CERS3: variants seen among roughly 807,000 people sequenced by gnomAD.
CERS3 encodes the protein ceramide synthase 3, also known as LAG1 homolog, ceramide synthase 3.
In CERS3, 33 loss-of-function variants were observed where a neutral mutation model predicts 50.3. The observed-to-expected ratio is 0.66, with a 90% CI of 0.50 to 0.88. The LOEUF (loss-of-function observed/expected upper bound fraction) is 0.88. Among genes scored for constraint, CERS3 ranks in the 40% least tolerant of loss-of-function variants. CERS3 has a pLI of 0.00. For missense variants in CERS3, 470 were observed against 460.3 expected (o/e 1.02, Z -0.19); for synonymous variants, 176 against 155.2 (o/e 1.13, Z -0.99).
chr15:100,474,830 ATGT>A (rs1273068055), intron 8 of CERS3, among the ~76,000 whole-genome samples: 4 of 152,206 alleles, frequency 2.6e-5, no homozygotes, highest in African/African-American at 9.6e-5. Flanking sequence ...CTAGCTCAAG[ATGT>A]TAGTGCGTGG....
At chr15:100,542,949 T>C (rs1453800478) in intron 1 of CERS3, among the ~76,000 whole-genome samples, 1 of 152,206 alleles carries the variant, frequency 6.6e-6, no homozygotes, top group Non-Finnish European at 1.5e-5. Context: ...AGTCTTGCTC[T>C]GTCACCCAGG....
intron 2 of CERS3, among the ~76,000 whole-genome samples, chr15:100,517,091 A>G (rs1390216360): frequency 6.6e-6 from 1 of 152,266 alleles, no homozygotes; most frequent in Non-Finnish European, 1.5e-5. Context: ...CAGGAAGCCC[A>G]GTTTGAAGGT....
At chr15:100,541,567 T>C (rs900592978) in intron 1 of CERS3, among the ~76,000 whole-genome samples, 8 of 152,328 alleles carry the variant, frequency 5.3e-5, no homozygotes, top group African/African-American at 1.9e-4. Flanking sequence ...TTAACCTCTG[T>C]TGTACTGGAC....
chr15:100,513,945 C>T (rs1209653999), intron 2 of CERS3, among the ~76,000 whole-genome samples: 4 of 152,164 alleles, frequency 2.6e-5, no homozygotes, highest in South Asian at 2.1e-4. Flanking sequence ...TTCCAGAGCC[C>T]CAGATCCCCC....
At chr15:100,523,237 A>T (rs765870651) in intron 1 of CERS3, among the ~76,000 whole-genome samples, 8 of 152,156 alleles carry the variant, frequency 5.3e-5, no homozygotes, top group Non-Finnish European at 1.2e-4. Context: ...TACATGCATA[A>T]CAAGTCATGT....
At position 100,480,181 on chromosome 15, in the gene CERS3, T is replaced by C. The variant is rs982128106; in HGVS notation, c.408-135A>G. The C allele has an allele frequency of 5.9e-6, 4 of 673,678 alleles. No homozygotes were observed. In the Admixed American group the frequency reaches 1.1e-4, roughly 19 times the overall value. The allele number at this position is 673,678 out of a possible 1,614,324, so 41.7% of individuals were successfully genotyped here. ...CAAATCAAAGTTTCTATCCTGGCTC[T>C]GCCCCACTTATTAGATGGTTACAAC... On this transcript the variant is annotated intron_variant, in intron 5 of 11. Transcript: ENST00000679737.
chr15:100,473,116 G>A, intron 8 of CERS3, 64 bp from the exon 9 acceptor site: 3 of 1,499,618 alleles, frequency 2.0e-6, no homozygotes, highest in Non-Finnish European at 2.7e-6. Flanking sequence ...CACTGGAAGA[G>A]ATAATCATAA....
At chr15:100,407,803 G>C (rs915704098) in intron 11 of CERS3, among the ~76,000 whole-genome samples, 6 of 152,164 alleles carry the variant, frequency 3.9e-5, no homozygotes, top group Non-Finnish European at 7.4e-5. Flanking sequence ...ATAATTTAAA[G>C]TATATAGGAG....
chr15:100,402,877 A>G lies in CERS3; in HGVS notation c.1000-12T>C, dbSNP rs754737617. On this transcript the variant is annotated splice_polypyrimidine_tract_variant and intron_variant, in intron 11 of 11. Coordinates refer to ENST00000679737, the MANE Select transcript of CERS3 (RefSeq NM_001378789.1). ...ACATCCTGGATGCTCTAGACAAAGG[A>G]AAGAATTGGCTGTGAGTGACAATCT... 2 of 1,574,530 alleles carry G rather than the reference A, an allele frequency of 1.3e-6. No individual in the cohort carries two copies. Among genetic ancestry groups the G allele is most frequent in the African/African-American group, 1.3e-5 (1 of 74,174 alleles).
intron 2 of CERS3, among the ~76,000 whole-genome samples, chr15:100,513,849 T>C (rs2036421273): frequency 6.6e-6 from 1 of 152,222 alleles, no homozygotes; most frequent in African/African-American, 2.4e-5. Context: ...GGCATGTGCA[T>C]AGGCCATTCC....
intron 11 of CERS3, among the ~76,000 whole-genome samples, chr15:100,431,129 C>T (rs1351218254): frequency 1.3e-5 from 2 of 152,188 alleles, no homozygotes; most frequent in Non-Finnish European, 2.9e-5. Flanking sequence ...ACCACAAACC[C>T]TCTCTGGATT....
In CERS3 at chr15:100,456,093, T is replaced by A. The variant is rs767342679; in HGVS notation, c.846-47A>T. On this transcript the variant is annotated intron_variant, in intron 10 of 11. Coordinates refer to ENST00000679737, the MANE Select transcript of CERS3 (RefSeq NM_001378789.1). ...AGAATTTCATTACAACCAAAGCACC[T>A]ATGAATTTTCAATAATAAAACAAAT... 6.9e-6 allele frequency: 10 copies of A among 1,452,412 alleles called. No individual in the cohort carries two copies. In the South Asian group the frequency reaches 1.1e-4, roughly 16 times the overall value. 90.0% of individuals were successfully genotyped at this position (1,452,412 alleles called of 1,614,324 possible). A position where few individuals can be genotyped will look rare whatever the true frequency, so the allele number is the denominator to read the frequency against.
intron 8 of CERS3, among the ~76,000 whole-genome samples, chr15:100,474,467 C>A (rs563216110): frequency 2.6e-5 from 4 of 151,616 alleles, no homozygotes; most frequent in African/African-American, 9.7e-5. Context: ...TGCAGTGGTG[C>A]GATCTTGGCT....
intron 10 of CERS3, 49 bp downstream of exon 10, chr15:100,469,329 C>CCA (rs2034886135): frequency 7.0e-6 from 10 of 1,435,332 alleles, no homozygotes; most frequent in Non-Finnish European, 7.9e-6. Flanking sequence ...TGCACTGAGG[C>CCA]CACCTCTGCA....
chr15:100,428,165 C>T (rs2032933643), intron 11 of CERS3, among the ~76,000 whole-genome samples: 1 of 152,174 alleles, frequency 6.6e-6, no homozygotes, highest in Non-Finnish European at 1.5e-5. Flanking sequence ...AATGCAGTTG[C>T]CTTATCTCAA....
rs57003894 is a variant in CERS3, at chr15:100,518,310, A to G, written c.-2+3357T>C. On this transcript the variant is annotated intron_variant, in intron 2 of 11. Coordinates refer to ENST00000679737, the MANE Select transcript of CERS3 (RefSeq NM_001378789.1). ...CAGAGAGAGACACACACAGAGAGTGAGAGAGAGAGACAGGGACACAGAGAG... is the reference window on the plus strand; with the variant it reads ...CAGAGAGAGACACACACAGAGAGTGGGAGAGAGAGACAGGGACACAGAGAG... Among the ~76,000 whole-genome samples the G allele has an allele frequency of 8.5e-3, 1,295 of 152,172 alleles. 23 individuals carry two copies. The highest frequency in any genetic ancestry group is 0.029 in the African/African-American group (1,218 of 41,522).
chr15:100,445,682 G>C (rs553134747), intron 11 of CERS3, among the ~76,000 whole-genome samples: 1 of 152,042 alleles, frequency 6.6e-6, no homozygotes, highest in African/African-American at 2.4e-5. Context: ...AATCCCACTC[G>C]AAGCAGCCCT....
At chr15:100,435,086 A>G (rs984733568) in intron 11 of CERS3, among the ~76,000 whole-genome samples, 1 of 152,236 alleles carries the variant, frequency 6.6e-6, no homozygotes, top group African/African-American at 2.4e-5. Context: ...CCGTGCTCTC[A>G]GGAAGCAGCT....
chr15:100,403,609 G>A (rs1459071520), intron 11 of CERS3, among the ~76,000 whole-genome samples: 1 of 152,152 alleles, frequency 6.6e-6, no homozygotes, highest in Admixed American at 6.5e-5. Context: ...AGAATGCTAT[G>A]AACAACTCTA....
Sources: allele counts gnomAD v4.1 joint callset (sites outside exome capture counted in the v4.1 genomes callset), GRCh38; gene constraint gnomAD v4.1.1; transcripts MANE v1.5; gene names NCBI Gene and HGNC (gene_info 2026-07-23, HGNC 2026-07-21).